The following C1orf21 variants were observed in gnomAD, a reference collection of about 807,000 sequenced individuals.
The protein encoded by C1orf21 is chromosome 1 open reading frame 21.
C1orf21 carries 3 observed loss-of-function variants against 18.7 expected under a neutral mutation model. The observed-to-expected ratio is 0.16, with a 90% confidence interval of 0.07 to 0.42. The LOEUF (loss-of-function observed/expected upper bound fraction) is 0.42, where lower values mean the gene tolerates loss of function less well. Ranked by LOEUF, C1orf21 falls within the 10% of genes least tolerant of loss-of-function variation. The probability of loss-of-function intolerance (pLI) is 0.99; values close to 1 mark genes in which losing one functional copy is unlikely to be tolerated. For synonymous variants in C1orf21, 41 were observed against 46.4 expected (o/e 0.88, Z 0.47); for missense variants, 104 against 143.6 (o/e 0.72, Z 1.41).
intron 5 of C1orf21, among the ~76,000 whole-genome samples, chr1:184,616,905 G>A (rs1325080296): frequency 3.9e-5 from 6 of 152,142 alleles, no homozygotes; most frequent in East Asian, 3.9e-4. Flanking sequence ...CATGTACATC[G>A]GTTTCTGGCC....
At chr1:184,450,342 G>A (rs554843924) in intron 1 of C1orf21, among the ~76,000 whole-genome samples, 3 of 152,098 alleles carry the variant, frequency 2.0e-5, no homozygotes, top group Admixed American at 6.6e-5. Flanking sequence ...GACTCCCCTC[G>A]CCCCAATCAG....
intron 1 of C1orf21, among the ~76,000 whole-genome samples, chr1:184,452,260 T>TGAA (rs1008775396): frequency 1.4e-4 from 22 of 152,208 alleles, no homozygotes; most frequent in African/African-American, 4.8e-4. Flanking sequence ...ATGTCTCCTA[T>TGAA]GAAGGGCTTA....
intron 1 of C1orf21, among the ~76,000 whole-genome samples, chr1:184,451,829 A>G (rs1004900848): frequency 1.3e-5 from 2 of 152,220 alleles, no homozygotes; most frequent in Admixed American, 6.5e-5. Context: ...GGCATTAGCA[A>G]ATTACAAGCA....
At chr1:184,413,527 C>A (rs1571346553) in intron 1 of C1orf21, among the ~76,000 whole-genome samples, 1 of 152,084 alleles carries the variant, frequency 6.6e-6, no homozygotes, top group African/African-American at 2.4e-5. Context: ...TTGTTTTGAC[C>A]AGCTATAGAG....
chr1:184,581,633 G>A (rs1659278411), intron 3 of C1orf21, among the ~76,000 whole-genome samples: 1 of 119,864 alleles, frequency 8.3e-6, no homozygotes, highest in Admixed American at 8.2e-5. Context: ...AATTCCCAGT[G>A]GAATTTATAT....
chr1:184,533,353 C>T (rs1246076750), intron 3 of C1orf21, among the ~76,000 whole-genome samples: 1 of 152,188 alleles, frequency 6.6e-6, no homozygotes, highest in Admixed American at 6.5e-5. Flanking sequence ...GCCCCTACTT[C>T]TAGGTGGTTA....
intron 1 of C1orf21, among the ~76,000 whole-genome samples, chr1:184,415,942 T>G (rs1328418241): frequency 6.6e-6 from 1 of 152,214 alleles, no homozygotes; most frequent in African/African-American, 2.4e-5. Flanking sequence ...AGTAGGAAGA[T>G]CCTTTCTACA....
At chr1:184,516,344 A>G (rs1658228923) in intron 3 of C1orf21, among the ~76,000 whole-genome samples, 1 of 152,216 alleles carries the variant, frequency 6.6e-6, no homozygotes, top group Admixed American at 6.5e-5. Flanking sequence ...AGTAAAGGAG[A>G]TTGAAATCAA....
intron 1 of C1orf21, among the ~76,000 whole-genome samples, chr1:184,394,540 TC>T (rs1656020488): frequency 6.6e-6 from 1 of 152,198 alleles, no homozygotes; most frequent in African/African-American, 2.4e-5. Flanking sequence ...CTTCCTGAAT[TC>T]CACAGTTGAC....
At chr1:184,461,970 T>C (rs1657313114) in intron 1 of C1orf21, among the ~76,000 whole-genome samples, 1 of 152,172 alleles carries the variant, frequency 6.6e-6, no homozygotes, top group African/African-American at 2.4e-5. Flanking sequence ...TAACTAGAAA[T>C]GCCCATTAGA....
intron 3 of C1orf21, among the ~76,000 whole-genome samples, chr1:184,560,553 C>T (rs1164497607): frequency 6.6e-6 from 1 of 152,170 alleles, no homozygotes; most frequent in Non-Finnish European, 1.5e-5. Context: ...ATCCTCCCCC[C>T]ACCCCTTTCT....
chr1:184,409,082 G>T (rs2101960734), intron 1 of C1orf21, among the ~76,000 whole-genome samples: 1 of 152,260 alleles, frequency 6.6e-6, no homozygotes, highest in African/African-American at 2.4e-5. Context: ...TTCCTATTCA[G>T]CACTTTTTTG....
At chr1:184,525,788 CT>C (rs1299172838) in intron 3 of C1orf21, among the ~76,000 whole-genome samples, 1 of 152,108 alleles carries the variant, frequency 6.6e-6, no homozygotes, top group Admixed American at 6.5e-5. Flanking sequence ...GAACAGCAGG[CT>C]TTCTGCCAGA....
chr1:184,545,172 C>T (rs537622809), intron 3 of C1orf21, among the ~76,000 whole-genome samples: 1 of 152,224 alleles, frequency 6.6e-6, no homozygotes, highest in African/African-American at 2.4e-5. Flanking sequence ...TCTTCCTACC[C>T]CATGAGGCTA....
chr1:184,585,447 T>G (rs1447843359), intron 3 of C1orf21, among the ~76,000 whole-genome samples: 1 of 152,210 alleles, frequency 6.6e-6, no homozygotes, highest in East Asian at 1.9e-4. Context: ...TATAAAATGT[T>G]GTGGCTTGTG....
chr1:184,497,382 C>G (rs1184381374), intron 2 of C1orf21, among the ~76,000 whole-genome samples: 1 of 152,174 alleles, frequency 6.6e-6, no homozygotes, highest in Non-Finnish European at 1.5e-5. Context: ...TGGAAATGAT[C>G]TTTTGTTTTA....
At chr1:184,463,746 A>G (rs2207526) in intron 1 of C1orf21, among the ~76,000 whole-genome samples, 56,488 of 152,132 alleles carry the variant, frequency 0.37, 12,268 homozygotes, top group African/African-American at 0.61. Context: ...GCTAACTTCA[A>G]AAGGAAGAGG....
chr1:184,487,504 T>C (rs1437160690), intron 2 of C1orf21, among the ~76,000 whole-genome samples: 1 of 152,228 alleles, frequency 6.6e-6, no homozygotes, highest in Non-Finnish European at 1.5e-5. Context: ...CAATGGCAGA[T>C]GCTGACTCGA....
chr1:184,549,256 G>T (rs1658776081), intron 3 of C1orf21, among the ~76,000 whole-genome samples: 1 of 152,050 alleles, frequency 6.6e-6, no homozygotes, highest in Non-Finnish European at 1.5e-5. Context: ...TGGTGAAGTG[G>T]GTGAGAATCT....
Sources: gnomAD v4.1 joint callset for allele counts (sites outside exome capture counted in the v4.1 genomes callset) on GRCh38, gnomAD v4.1.1 for gene constraint, MANE v1.5 for transcripts, NCBI Gene and HGNC (gene_info 2026-07-23, HGNC 2026-07-21) for gene names.